NRP2: variants seen among roughly 807,000 people sequenced by gnomAD.
NRP2 encodes the protein neuropilin-2.
A neutral mutation model predicts 110.4 loss-of-function variants in NRP2; 52 were observed. That is an observed-to-expected ratio of 0.47 (90% CI 0.38 to 0.59). NRP2 has a LOEUF of 0.59. NRP2 is among the 20% of genes least tolerant of loss of function. The probability of loss-of-function intolerance (pLI) is 0.00; values close to 1 mark genes in which losing one functional copy is unlikely to be tolerated. For missense variants in NRP2, 1,049 were observed against 1,203.0 expected (o/e 0.87, Z 1.89); for synonymous variants, 508 against 468.9 (o/e 1.08, Z -1.08).
rs184183925 is a variant in NRP2 at position 205,789,853 on chromosome 2, T to C, written c.2426-2382T>C. Among the ~76,000 whole-genome samples the C allele has an allele frequency of 2.0e-3, 306 of 152,328 alleles. 1 individual carries two copies. The highest frequency in any genetic ancestry group is 2.6e-3 in the Non-Finnish European group (180 of 68,026). The stretch of plus-strand genomic sequence containing the variant: ...GAAAGTGGCTGGTAAAGGGCAAAGA[T>C]GCTTTTGAGAGAGAGAAAGCTCTTA... On this transcript the variant is annotated intron_variant, in intron 15 of 16. Transcript: ENST00000357785.
chr2:205,767,376 A>G (rs1486383153), intron 15 of NRP2: 2 of 513,066 alleles, frequency 3.9e-6, no homozygotes, highest in African/African-American at 3.8e-5. Context: ...AAAGAGACAC[A>G]GAAGTGGTGG....
intron 15 of NRP2, chr2:205,776,094 G>T: frequency 1.2e-6 from 1 of 809,232 alleles, no homozygotes; most frequent in Non-Finnish European, 2.2e-6. Context: ...GAAGTGCTTG[G>T]CAGGTGCTAA....
intron 13 of NRP2, chr2:205,764,297 A>T (rs2057875202): frequency 3.6e-6 from 1 of 280,450 alleles, no homozygotes; most frequent in Non-Finnish European, 6.8e-6. Flanking sequence ...GCCCCTTCAG[A>T]TCTGGGGAGG....
chr2:205,749,872 G>A (rs1286312788), intron 11 of NRP2, 31 bp downstream of exon 11: 2 of 1,533,916 alleles, frequency 1.3e-6, no homozygotes, highest in East Asian at 4.5e-5. Flanking sequence ...GATGGCATGG[G>A]TGCGGACTAG....
chr2:205,791,091 C>T (rs952757211), intron 15 of NRP2, among the ~76,000 whole-genome samples: 1 of 152,214 alleles, frequency 6.6e-6, no homozygotes, highest in Non-Finnish European at 1.5e-5. Context: ...TGGATCAATG[C>T]TCAGTTCAGA....
chr2:205,793,380 T>G (rs763764428), intron 16 of NRP2, among the ~76,000 whole-genome samples: 10 of 152,188 alleles, frequency 6.6e-5, no homozygotes, highest in Non-Finnish European at 1.2e-4. Context: ...TATCCTGCCT[T>G]CTTCATGGGA....
intron 15 of NRP2, among the ~76,000 whole-genome samples, chr2:205,791,458 G>A (rs986095413): frequency 2.0e-5 from 3 of 152,182 alleles, no homozygotes; most frequent in Admixed American, 1.3e-4. Flanking sequence ...ACTTTCAGTG[G>A]TTCTGATTTC....
Position 205,726,009 on chromosome 2 carries a change from C to T in NRP2, c.917C>T (p.Pro306Leu). ...ACCTACTCTGATGGGAGGTGGACCC[C>T]TCAACAAAGCCGGCTCCATGGTGAT... ...SSTYSDGRWT[P>L]QQSRLHGDDN... The change falls in exon 6 of 17, where the codon CCT becomes CTT. Residue 306 changes from proline (P) to leucine (L), a missense_variant. Coordinates refer to ENST00000357785, the MANE Select transcript of NRP2 (RefSeq NM_003872.3). 6.2e-7 allele frequency: 1 copy of T among 1,614,184 alleles called. No homozygotes were observed. Among genetic ancestry groups the T allele is most frequent in the Non-Finnish European group, 8.5e-7 (1 of 1,180,034 alleles).
At chr2:205,752,804 C>T in intron 11 of NRP2, 31 bp from the exon 12 acceptor site, 1 of 1,613,386 alleles carries the variant, frequency 6.2e-7, no homozygotes, top group Non-Finnish European at 8.5e-7. Context: ...TTTCATTTGC[C>T]TTCCTTTGGG....
chr2:205,716,748 T>G (rs1310295683), intron 3 of NRP2, among the ~76,000 whole-genome samples: 1 of 152,196 alleles, frequency 6.6e-6, no homozygotes, highest in African/African-American at 2.4e-5. Context: ...TCTAATGATG[T>G]CTTTATTTGG....
Position 205,795,221 on chromosome 2 carries a change from G to T in NRP2, c.*163G>T. 1.3e-6 allele frequency: 1 copy of T among 773,116 alleles called. No homozygotes were observed. The highest frequency in any genetic ancestry group is 2.2e-6 in the Non-Finnish European group (1 of 461,314). 47.9% of individuals were successfully genotyped at this position (773,116 alleles called of 1,614,324 possible). ...AGAAAAGCGAGTCGCAGGAGGAAGG[G>T]AGATGCAGCCGCACAGGGGATGATT... On this transcript the variant is annotated 3_prime_UTR_variant, in exon 17 of 17. Coordinates refer to ENST00000357785, the MANE Select transcript of NRP2 (RefSeq NM_003872.3).
In NRP2 at chr2:205,763,237, G is replaced by GC. The variant is rs1458737121; in HGVS notation, c.2045-431dup. ...GTCATAGTCACCCTCCAATCTAGCA[G>GC]CCCCCCACCCCCTATAATCTGTCCC... is the stretch of plus-strand genomic sequence containing the variant. On this transcript the variant is annotated intron_variant, in intron 12 of 16. Coordinates refer to ENST00000357785, the MANE Select transcript of NRP2 (RefSeq NM_003872.3). This position sits in a 1 kb window ranked among gnomAD's most constrained non-coding sequence, Gnocchi z 4.0. Among the ~76,000 whole-genome samples, 117 of 152,036 alleles carry GC rather than the reference G, an allele frequency of 7.7e-4. 1 individual carries two copies. Among genetic ancestry groups the GC allele is most frequent in the African/African-American group, 2.6e-3 (109 of 41,376 alleles).
chr2:205,775,441 T>TC (rs2058083073), intron 15 of NRP2, among the ~76,000 whole-genome samples: 1 of 152,156 alleles, frequency 6.6e-6, no homozygotes, highest in Non-Finnish European at 1.5e-5. Context: ...AAGAATGATT[T>TC]CCCTCCCTCT....
intron 12 of NRP2, among the ~76,000 whole-genome samples, chr2:205,756,180 C>T (rs1321846668): frequency 6.6e-6 from 1 of 152,066 alleles, no homozygotes; most frequent in Non-Finnish European, 1.5e-5. Context: ...TTGCTTGTGG[C>T]TTAGCTGCCT....
chr2:205,769,505 T>TACACACACACACACACACACAC (rs56837273), intron 15 of NRP2, among the ~76,000 whole-genome samples: 3 of 145,100 alleles, frequency 2.1e-5, no homozygotes, highest in Non-Finnish European at 4.5e-5. Context: ...TATACATACA[T>TACACACACACACACACACACAC]ACACACACAC....
rs1411060406 is a variant in NRP2 at position 205,763,659 on chromosome 2, G to A, written c.2045-15G>A. On this transcript the variant is annotated splice_polypyrimidine_tract_variant and intron_variant, in intron 12 of 16. Transcript: ENST00000357785. This position sits in a 1 kb window ranked among gnomAD's most constrained non-coding sequence, Gnocchi z 4.0. ...GTGTTTATGGAGAACCTCTGTTTGG[G>A]TTTGTTTCTGCCAGATGACAGGAAT... is the stretch of plus-strand genomic sequence containing the variant. 1.9e-6 allele frequency: 3 copies of A among 1,614,000 alleles called. No individual in the cohort carries two copies. The highest frequency in any genetic ancestry group is 2.5e-6 in the Non-Finnish European group (3 of 1,180,032).
At chr2:205,722,145 C>T (rs978422328) in intron 3 of NRP2, 1 of 220,588 alleles carries the variant, frequency 4.5e-6, no homozygotes, top group South Asian at 5.7e-5. Context: ...CAAGAGAATC[C>T]CTCTCTCTCT....
chr2:205,722,014 A>T (rs2057023134), intron 3 of NRP2, among the ~76,000 whole-genome samples: 1 of 152,150 alleles, frequency 6.6e-6, no homozygotes, highest in Non-Finnish European at 1.5e-5. Context: ...GTCAGCAACA[A>T]ATAAGGGGTA....
At chr2:205,755,116 C>T (rs1041928199) in intron 12 of NRP2, among the ~76,000 whole-genome samples, 1 of 152,196 alleles carries the variant, frequency 6.6e-6, no homozygotes, top group Non-Finnish European at 1.5e-5. Context: ...ACCGCCTCCT[C>T]CTCGTCCAGT....
Sources: gnomAD v4.1 joint callset for allele counts (sites outside exome capture counted in the v4.1 genomes callset) on GRCh38, gnomAD v4.1.1 for gene constraint, Gnocchi (gnomAD v3.1) non-coding constraint, MANE v1.5 for transcripts, NCBI Gene and HGNC (gene_info 2026-07-23, HGNC 2026-07-21) for gene names.